The following PSKH2 variants were observed in gnomAD, a reference collection of about 807,000 sequenced individuals.
The protein encoded by PSKH2 is serine/threonine-protein kinase H2.
In PSKH2, 16 loss-of-function variants were observed where a neutral mutation model predicts 22.5. That is an observed-to-expected ratio of 0.71 (90% CI 0.48 to 1.08). PSKH2 has a LOEUF of 1.08. PSKH2 is among the 50% of genes least tolerant of loss of function. The pLI is 0.00. For synonymous variants in PSKH2, 188 were observed against 184.8 expected, an observed-to-expected ratio of 1.02 and a Z score of -0.14; for missense variants, 516 against 492.8, an observed-to-expected ratio of 1.05 and a Z score of -0.44.
At position 86,069,509 on chromosome 8, in the gene PSKH2, C is replaced by T. The variant is rs1394047432; in HGVS notation, c.114G>A (p.Ala38=). The change falls in exon 1 of 3, where the codon GCG becomes GCA. Residue 38 remains alanine, a synonymous_variant. Coordinates refer to ENST00000276616, the MANE Select transcript of PSKH2 (RefSeq NM_033126.3). ...GTATCCTCTGCGCCGCCTGGGCCGC[C>T]GCCTCGGGCCCAGGCCCCGCGCCTC... ...GVGGAGPGPE[A]AAQAAQRIQV... 2 of 1,608,646 alleles carry T rather than the reference C, an allele frequency of 1.2e-6. No homozygotes were observed. The highest frequency in any genetic ancestry group is 1.7e-6 in the Non-Finnish European group (2 of 1,178,228).
chr8:86,061,493 A>G (rs1176342402), intron 2 of PSKH2, among the ~76,000 whole-genome samples: 4 of 152,088 alleles, frequency 2.6e-5, no homozygotes, highest in African/African-American at 9.7e-5. Context: ...AGTAGCCAAT[A>G]GAATGATGCA....
In PSKH2 at chr8:86,064,293, T is replaced by C; in HGVS notation, c.524A>G (p.His175Arg). ...QMVADGIRYL[H>R]ALQITHRNLK... Reference sequence around the variant, plus strand: ...ATTCCTATGAGTTATCTGCAGCGCATGCAAATACCTAATCCCATCAGCAAC... The same window carrying C: ...ATTCCTATGAGTTATCTGCAGCGCACGCAAATACCTAATCCCATCAGCAAC... Residue 175 changes from histidine (H) to arginine (R), a missense_variant, in exon 2 of 3, where the codon CAT (histidine) becomes CGT (arginine). Transcript: ENST00000276616. 1.2e-6 allele frequency: 2 copies of C among 1,614,134 alleles called. No individual in the cohort carries two copies. Among genetic ancestry groups the C allele is most frequent in the Non-Finnish European group, 1.7e-6 (2 of 1,180,020 alleles).
In PSKH2 at chr8:86,064,442, C is replaced by G; in HGVS notation, c.375G>C (p.Glu125Asp). The G allele has an allele frequency of 6.2e-7, 1 of 1,614,176 alleles. No individual in the cohort carries two copies. Among genetic ancestry groups the G allele is most frequent in the Non-Finnish European group, 8.5e-7 (1 of 1,180,038 alleles). ...VSHRYIVQLMEIFETEDQVYM... is the reference protein window; with the variant it reads ...VSHRYIVQLMDIFETEDQVYM... ...AAACTTGATCCTCAGTCTCAAAGAT[C>G]TCCATGAGCTGGACAATGTAACGAT... Residue 125 changes from glutamate (E) to aspartate (D), a missense_variant, in exon 2 of 3, where the codon GAG (glutamate) becomes GAC (aspartate). Physicochemically the swap from Glu to Asp is conservative, Grantham distance 45. Transcript: ENST00000276616.
intron 1 of PSKH2, among the ~76,000 whole-genome samples, chr8:86,067,426 A>T (rs1393264511): frequency 8.7e-5 from 8 of 91,456 alleles, no homozygotes; most frequent in Non-Finnish European, 2.0e-4. Context: ...ATTATTCCTG[A>T]ATCATCATAT....
chr8:86,066,900 A>T (rs1817871116), intron 1 of PSKH2, among the ~76,000 whole-genome samples: 1 of 152,042 alleles, frequency 6.6e-6, no homozygotes, highest in Non-Finnish European at 1.5e-5. Flanking sequence ...ATGCATTCTC[A>T]GTGTGATTTT....
At chr8:86,048,795 T>C (rs1282295804) in intron 2 of PSKH2, 28 bp from the exon 3 acceptor site, 1 of 1,481,260 alleles carries the variant, frequency 6.8e-7, no homozygotes, top group East Asian at 2.5e-5. Context: ...TAAGTTAGAA[T>C]AAAATAAATA....
chr8:86,066,618 G>A (rs1007322817), intron 1 of PSKH2: 6 of 152,028 alleles, frequency 3.9e-5, no homozygotes, highest in Non-Finnish European at 7.4e-5. Flanking sequence ...AGATTCAAAT[G>A]CAAATACTAA....
chr8:86,052,626 G>C (rs1817648593), intron 2 of PSKH2, among the ~76,000 whole-genome samples: 1 of 152,110 alleles, frequency 6.6e-6, no homozygotes, highest in African/African-American at 2.4e-5. Context: ...TTCTTTTGTG[G>C]ATAGATTAAC....
chr8:86,056,254 C>T (rs1198605648), intron 2 of PSKH2, among the ~76,000 whole-genome samples: 1 of 152,104 alleles, frequency 6.6e-6, no homozygotes, highest in Non-Finnish European at 1.5e-5. Context: ...GATCACGCCA[C>T]TGCACTCTAG....
intron 2 of PSKH2, among the ~76,000 whole-genome samples, 198 bp downstream of exon 2, chr8:86,063,767 T>C (rs1371984935): frequency 2.0e-5 from 3 of 152,192 alleles, no homozygotes; most frequent in African/African-American, 7.2e-5. Flanking sequence ...CATTTAACAA[T>C]GTCTGGAGAC....
In PSKH2 at chr8:86,069,387, G is replaced by A. The variant is rs750083815; in HGVS notation, c.185+51C>T. 44 of 1,482,744 alleles carry A rather than the reference G, an allele frequency of 3.0e-5. 1 individual carries two copies. The South Asian group carries it at 5.7e-4, about 19-fold the overall frequency. 91.8% of individuals were successfully genotyped at this position (1,482,744 alleles called of 1,614,324 possible). A position where few individuals can be genotyped will look rare whatever the true frequency, so the allele number is the denominator to read the frequency against. ...AACCTCGAGGCGGTCTTGGCCAGGG[G>A]TTTTTCTTTGTCAGCCCAGTCCCAG... On this transcript the variant is annotated intron_variant, in intron 1 of 2. Transcript: ENST00000276616.
intron 2 of PSKH2, among the ~76,000 whole-genome samples, chr8:86,050,879 C>T (rs1817620829): frequency 6.6e-6 from 1 of 152,082 alleles, no homozygotes; most frequent in Non-Finnish European, 1.5e-5. Context: ...TCTTAGCACC[C>T]TATTAACTCT....
intron 2 of PSKH2, among the ~76,000 whole-genome samples, chr8:86,059,913 A>G (rs556212154): frequency 6.6e-6 from 1 of 152,354 alleles, no homozygotes; most frequent in Admixed American, 6.5e-5. Flanking sequence ...CCTTTTGTGG[A>G]AAAGATTTGC....
chr8:86,048,254 A>G lies in PSKH2; in HGVS notation c.*208T>C, dbSNP rs1817557315. ...TTCCAGTTATCTAAACATAGCTAGT[A>G]TTTACTAAACTGTTAATCATTTGCA... On this transcript the variant is annotated 3_prime_UTR_variant, in exon 3 of 3. Coordinates refer to ENST00000276616, the MANE Select transcript of PSKH2 (RefSeq NM_033126.3). The G allele has an allele frequency of 2.1e-6, 1 of 479,036 alleles. No individual in the cohort carries two copies. Among genetic ancestry groups the G allele is most frequent in the South Asian group, 3.7e-5 (1 of 27,370 alleles). The allele number at this position is 479,036 out of a possible 1,614,324, so 29.7% of individuals were successfully genotyped here. A position where few individuals can be genotyped will look rare whatever the true frequency, so the allele number is the denominator to read the frequency against.
chr8:86,069,275 A>T (rs1436626180), intron 1 of PSKH2, among the ~76,000 whole-genome samples, 163 bp downstream of exon 1: 3 of 152,082 alleles, frequency 2.0e-5, no homozygotes, highest in African/African-American at 7.2e-5. Flanking sequence ...GTTGTAGAAG[A>T]TTTACATCTC....
At chr8:86,058,927 ATTTAT>A (rs149973011) in intron 2 of PSKH2, among the ~76,000 whole-genome samples, 44,224 of 151,116 alleles carry the variant, frequency 0.29, 7,592 homozygotes, top group East Asian at 0.49. Context: ...TTTTCATCCA[ATTTAT>A]TTTATTTTAT....
upstream of PSKH2, among the ~76,000 whole-genome samples, chr8:86,069,901 C>T (rs530985249): frequency 2.6e-5 from 4 of 152,180 alleles, no homozygotes; most frequent in Non-Finnish European, 5.9e-5. Context: ...TCACTTTCTG[C>T]ATCTCTAACC....
intron 2 of PSKH2, among the ~76,000 whole-genome samples, chr8:86,061,825 C>G (rs1293165140): frequency 6.6e-6 from 1 of 152,182 alleles, no homozygotes; most frequent in Non-Finnish European, 1.5e-5. Flanking sequence ...CATCCAACAT[C>G]ATGTGGCACA....
chr8:86,050,240 G>T (rs1175115288), intron 2 of PSKH2, among the ~76,000 whole-genome samples: 1 of 152,184 alleles, frequency 6.6e-6, no homozygotes, highest in Admixed American at 6.5e-5. Flanking sequence ...TCTGAGGAAT[G>T]CAAGCCCCTT....
Sources: allele counts gnomAD v4.1 joint callset (sites outside exome capture counted in the v4.1 genomes callset), GRCh38; gene constraint gnomAD v4.1.1; transcripts MANE v1.5; gene names NCBI Gene and HGNC (gene_info 2026-07-23, HGNC 2026-07-21).